Variants in RAD51B observed in about 807,000 individuals in gnomAD.
RAD51B encodes DNA repair protein RAD51 homolog 2.
Under a neutral mutation model 42.2 loss-of-function variants are expected in RAD51B, and 38 were observed. The observed-to-expected ratio is 0.90, with a 90% CI of 0.70 to 1.18. The LOEUF is 1.18. RAD51B is among the 50% of genes most tolerant of loss of function. The pLI is 0.00. For missense variants in RAD51B, 373 were observed against 400.7 expected (o/e 0.93, Z 0.59); for synonymous variants, 154 against 145.2 (o/e 1.06, Z -0.43).
intron 3 of RAD51B, among the ~76,000 whole-genome samples, chr14:67,828,600 GT>G (rs201541389): frequency 6.6e-6 from 1 of 151,368 alleles, no homozygotes; most frequent in Non-Finnish European, 1.5e-5. Context: ...TCAAGGTTTT[GT>G]TTTTTTTCCT....
At chr14:68,197,107 G>A (rs902272069) in intron 7 of RAD51B, among the ~76,000 whole-genome samples, 31 of 151,906 alleles carry the variant, frequency 2.0e-4, no homozygotes, top group African/African-American at 7.5e-4. Context: ...CTTTTATTGA[G>A]GTAAAATTTC....
intron 10 of RAD51B, among the ~76,000 whole-genome samples, chr14:68,518,525 T>A (rs1392781479): frequency 6.6e-6 from 1 of 151,732 alleles, no homozygotes; most frequent in Non-Finnish European, 1.5e-5. Context: ...GGGGAAGCCT[T>A]AAGCCGATGG....
intron 7 of RAD51B, among the ~76,000 whole-genome samples, chr14:68,256,357 G>A (rs1274670193): frequency 6.6e-6 from 1 of 152,126 alleles, no homozygotes; most frequent in African/African-American, 2.4e-5. Context: ...AGGTGGATTC[G>A]GGTGTCTGTA....
chr14:68,458,310 C>G (rs2085755658), intron 9 of RAD51B, among the ~76,000 whole-genome samples: 1 of 152,094 alleles, frequency 6.6e-6, no homozygotes, highest in Non-Finnish European at 1.5e-5. Flanking sequence ...TGGGTATTCA[C>G]TATAAAATTC....
At chr14:68,397,191 A>G (rs1465736882) in intron 8 of RAD51B, among the ~76,000 whole-genome samples, 1 of 152,246 alleles carries the variant, frequency 6.6e-6, no homozygotes, top group South Asian at 2.1e-4. Context: ...CAAAGTTGGT[A>G]GTCTTGATCA....
At chr14:68,061,418 A>C (rs1179349820) in intron 7 of RAD51B, among the ~76,000 whole-genome samples, 1 of 152,086 alleles carries the variant, frequency 6.6e-6, no homozygotes, top group Non-Finnish European at 1.5e-5. Context: ...GTTTTTGTCT[A>C]ATTTTGTGAA....
intron 7 of RAD51B, among the ~76,000 whole-genome samples, chr14:67,920,821 A>G (rs2044300199): frequency 1.3e-5 from 2 of 152,226 alleles, no homozygotes; most frequent in South Asian, 4.1e-4. Context: ...ATAAACAAGT[A>G]GAGGTGGTAA....
chr14:67,922,458 T>C (rs2044355926), intron 7 of RAD51B, among the ~76,000 whole-genome samples: 1 of 152,176 alleles, frequency 6.6e-6, no homozygotes, highest in Non-Finnish European at 1.5e-5. Flanking sequence ...GTTTTTATTT[T>C]CTAATGTTTA....
intron 8 of RAD51B, among the ~76,000 whole-genome samples, chr14:68,357,993 T>G (rs764783408): frequency 3.3e-5 from 5 of 152,174 alleles, no homozygotes; most frequent in Non-Finnish European, 5.9e-5. Flanking sequence ...TGGCCTAATT[T>G]CAATGTTGTC....
At chr14:68,388,308 G>A (rs140506207) in intron 8 of RAD51B, among the ~76,000 whole-genome samples, 41 of 151,912 alleles carry the variant, frequency 2.7e-4, no homozygotes, top group African/African-American at 8.2e-4. Context: ...GTGTTGGCCC[G>A]GTTGATCTCG....
At chr14:68,196,957 G>C (rs1420236981) in intron 7 of RAD51B, among the ~76,000 whole-genome samples, 1 of 152,150 alleles carries the variant, frequency 6.6e-6, no homozygotes, top group Non-Finnish European at 1.5e-5. Context: ...TCTTAGAAAG[G>C]GTATTAGAAT....
At chr14:68,247,736 C>T (rs1427228435) in intron 7 of RAD51B, among the ~76,000 whole-genome samples, 1 of 152,184 alleles carries the variant, frequency 6.6e-6, no homozygotes, top group Admixed American at 6.5e-5. Flanking sequence ...TGTTGCATGA[C>T]ATACTTGCAC....
chr14:68,149,371 T>C lies in RAD51B; in HGVS notation c.757-142513T>C, dbSNP rs192924344. Among the ~76,000 whole-genome samples the C allele has an allele frequency of 2.1e-3, 318 of 152,326 alleles. 1 individual carries two copies. Among genetic ancestry groups the C allele is most frequent in the Middle Eastern group, 6.8e-3 (2 of 294 alleles). On this transcript the variant is annotated intron_variant, in intron 7 of 10. Coordinates refer to ENST00000471583, the MANE Select transcript of RAD51B (RefSeq NM_133510.4). ...TCTATGATCCACTTTGAGTTAATCT[T>C]TCTGAAAGGTGTAAGGTCAGTGTTT... is the stretch of plus-strand genomic sequence containing the variant.
At chr14:68,010,534 T>C (rs577465924) in intron 7 of RAD51B, among the ~76,000 whole-genome samples, 5 of 151,896 alleles carry the variant, frequency 3.3e-5, no homozygotes, top group Middle Eastern at 3.4e-3. Context: ...ATATATAAGA[T>C]TTTAGAGTAA....
intron 7 of RAD51B, among the ~76,000 whole-genome samples, chr14:68,046,108 T>C (rs2076295273): frequency 1.3e-5 from 2 of 152,138 alleles, no homozygotes. Context: ...TTTTAGACCA[T>C]TGCTGTAAAA....
At chr14:68,671,582 C>T (rs533503480) in intron 11 of RAD51B, among the ~76,000 whole-genome samples, 18 of 152,130 alleles carry the variant, frequency 1.2e-4, no homozygotes, top group Admixed American at 1.2e-3. Context: ...CCTCCGACAA[C>T]CTCTGGGGAG....
At chr14:67,861,483 A>T (rs2042160824) in intron 4 of RAD51B, among the ~76,000 whole-genome samples, 1 of 151,634 alleles carries the variant, frequency 6.6e-6, no homozygotes, top group Non-Finnish European at 1.5e-5. Flanking sequence ...TATGAAAAAA[A>T]AAGCTGGGCA....
intron 7 of RAD51B, among the ~76,000 whole-genome samples, chr14:68,023,592 G>A (rs1340913487): frequency 6.6e-6 from 1 of 152,168 alleles, no homozygotes; most frequent in Admixed American, 6.5e-5. Context: ...CTCTCAAAGT[G>A]CCAGGATTAC....
intron 9 of RAD51B, among the ~76,000 whole-genome samples, chr14:68,465,959 T>TA (rs1491286871): frequency 6.2e-4 from 42 of 67,844 alleles, no homozygotes; most frequent in African/African-American, 2.0e-3. Context: ...AAAAAATAAA[T>TA]AAATAAATAA....
Sources: allele counts gnomAD v4.1 joint callset (sites outside exome capture counted in the v4.1 genomes callset), GRCh38; gene constraint gnomAD v4.1.1; transcripts MANE v1.5; gene names NCBI Gene and HGNC (gene_info 2026-07-23, HGNC 2026-07-21).